The following PMFBP1 variants were observed in gnomAD, a reference collection of about 807,000 sequenced individuals.
PMFBP1 encodes polyamine-modulated factor 1-binding protein 1.
In PMFBP1, 131 loss-of-function variants were observed where a neutral mutation model predicts 137.8. The observed-to-expected ratio is 0.95, with a 90% CI of 0.82 to 1.10. The LOEUF (loss-of-function observed/expected upper bound fraction) is 1.10. Ranked by LOEUF, PMFBP1 falls within the 50% of genes least tolerant of loss-of-function variation. The pLI is 0.00. For missense variants in PMFBP1, 1,199 were observed against 1,175.4 expected, an observed-to-expected ratio of 1.02 and a Z score of -0.29; for synonymous variants, 490 against 450.4, an observed-to-expected ratio of 1.09 and a Z score of -1.11.
At chr16:72,231,492 G>C in the PMFBP1 span, among the ~76,000 whole-genome samples, 1 of 152,112 alleles carries the variant, frequency 6.6e-6, no homozygotes. Flanking sequence ...TATAAAATGG[G>C]ATGAAGCCTG....
chr16:72,235,786 A>G, the PMFBP1 span, among the ~76,000 whole-genome samples: 3 of 151,974 alleles, frequency 2.0e-5, no homozygotes, highest in Non-Finnish European at 4.4e-5. Flanking sequence ...TCATTTTTGG[A>G]TTGTTTATTG....
intron 7 of PMFBP1, among the ~76,000 whole-genome samples, chr16:72,137,222 A>T (rs1295249407): frequency 6.6e-6 from 1 of 152,190 alleles, no homozygotes; most frequent in Non-Finnish European, 1.5e-5. Flanking sequence ...ACAGTTGTTT[A>T]TGGAGAATCT....
At chr16:72,189,105 G>C in the PMFBP1 span, among the ~76,000 whole-genome samples, 1 of 151,998 alleles carries the variant, frequency 6.6e-6, no homozygotes, top group African/African-American at 2.4e-5. Context: ...GGATGTGCCA[G>C]GCACCGTGCT....
the PMFBP1 span, among the ~76,000 whole-genome samples, chr16:72,190,573 G>C: frequency 6.6e-6 from 1 of 152,160 alleles, no homozygotes; most frequent in African/African-American, 2.4e-5. Flanking sequence ...AAAAGAAAGG[G>C]AAAGGGAGAG....
the PMFBP1 span, among the ~76,000 whole-genome samples, chr16:72,193,410 A>G: frequency 1.1e-4 from 17 of 152,082 alleles, no homozygotes; most frequent in Admixed American, 9.8e-4. Flanking sequence ...TAAATAAATA[A>G]ATTTATATGT....
the PMFBP1 span, among the ~76,000 whole-genome samples, chr16:72,229,084 T>C: frequency 2.0e-5 from 3 of 152,154 alleles, no homozygotes; most frequent in South Asian, 6.2e-4. Flanking sequence ...AGCTCTCACT[T>C]ATAAGTGAGA....
At chr16:72,144,038 T>A (rs955669255) in intron 5 of PMFBP1, among the ~76,000 whole-genome samples, 1 of 150,754 alleles carries the variant, frequency 6.6e-6, no homozygotes, top group African/African-American at 2.4e-5. Context: ...CGAAACTCCA[T>A]CTCAAAAAAA....
intron 5 of PMFBP1, 46 bp downstream of exon 5, chr16:72,150,562 G>A: frequency 4.4e-6 from 7 of 1,580,928 alleles, no homozygotes; most frequent in Non-Finnish European, 5.2e-6. Context: ...GACCACCTGG[G>A]AGCACATCCA....
Position 72,126,139 on chromosome 16 carries a change from G to A in PMFBP1, c.2089-7C>T. On this transcript the variant is annotated splice_region_variant and splice_polypyrimidine_tract_variant and intron_variant, in intron 14 of 20. Coordinates refer to ENST00000237353, the MANE Select transcript of PMFBP1 (RefSeq NM_031293.3). ...ACTCCTTCTGAAGGGCTATCTTTAAGGAGGGAGAGCAGAACTGTCAGGGTG... is the reference window on the plus strand; with the variant it reads ...ACTCCTTCTGAAGGGCTATCTTTAAAGAGGGAGAGCAGAACTGTCAGGGTG... The A allele has an allele frequency of 6.2e-7, 1 of 1,613,730 alleles. No homozygotes were observed. Among genetic ancestry groups the A allele is most frequent in the Non-Finnish European group, 8.5e-7 (1 of 1,179,828 alleles).
the PMFBP1 span, among the ~76,000 whole-genome samples, chr16:72,232,216 T>C: frequency 1.3e-5 from 2 of 152,324 alleles, no homozygotes; most frequent in African/African-American, 2.4e-5. Context: ...TCAATTATCA[T>C]GATGTCTGAT....
chr16:72,230,607 A>G, the PMFBP1 span, among the ~76,000 whole-genome samples: 225 of 152,220 alleles, frequency 1.5e-3, no homozygotes, highest in African/African-American at 4.8e-3. Context: ...GTAACTTCCC[A>G]TATCATCATC....
Position 72,120,071 on chromosome 16 carries a change from C to T in PMFBP1, c.2787G>A (p.Met929Ile). The T allele has an allele frequency of 6.2e-7, 1 of 1,614,140 alleles. No homozygotes were observed. The highest frequency in any genetic ancestry group is 8.5e-7 in the Non-Finnish European group (1 of 1,180,032). The part of the protein sequence containing the change: ...SGEKDHLHSV[M>I]VHLQQENKKL... ...TCTTGTTTTCCTGCTGCAAGTGGAC[C>T]ATTACACTGTGGAGGTGGCTGTGGG... Residue 929 changes from methionine to isoleucine, a missense_variant, in exon 20 of 21, where the codon ATG (methionine) becomes ATA (isoleucine). Physicochemically the swap from Met to Ile is conservative, Grantham distance 10. Transcript: ENST00000237353.
chr16:72,128,572 G>C, intron 14 of PMFBP1, 85 bp downstream of exon 14: 1 of 1,610,858 alleles, frequency 6.2e-7, no homozygotes, highest in Non-Finnish European at 8.5e-7. Context: ...CTGCATTTCT[G>C]TGTGGAGGAG....
intron 4 of PMFBP1, among the ~76,000 whole-genome samples, chr16:72,153,120 TTTTG>T (rs2042927810): frequency 6.6e-6 from 1 of 152,232 alleles, no homozygotes; most frequent in African/African-American, 2.4e-5. Flanking sequence ...GGCTGGACCC[TTTTG>T]TTTAAGTTGT....
At chr16:72,149,256 C>T (rs1269227010) in intron 5 of PMFBP1, among the ~76,000 whole-genome samples, 2 of 152,134 alleles carry the variant, frequency 1.3e-5, no homozygotes, top group Non-Finnish European at 2.9e-5. Flanking sequence ...AGAATGAAAA[C>T]GTACAGTGTG....
chr16:72,187,452 G>A, the PMFBP1 span, among the ~76,000 whole-genome samples: 1 of 152,222 alleles, frequency 6.6e-6, no homozygotes, highest in Non-Finnish European at 1.5e-5. Context: ...CCTGTACCCT[G>A]TAGGGTGATT....
chr16:72,145,757 T>C (rs1597476119), intron 5 of PMFBP1, among the ~76,000 whole-genome samples: 1 of 152,284 alleles, frequency 6.6e-6, no homozygotes, highest in Non-Finnish European at 1.5e-5. Flanking sequence ...AACATCTCTA[T>C]GCAAATAAAC....
At chr16:72,235,535 G>A in the PMFBP1 span, among the ~76,000 whole-genome samples, 33 of 148,682 alleles carry the variant, frequency 2.2e-4, no homozygotes, top group Non-Finnish European at 4.3e-4. Context: ...ATTAGTATCA[G>A]CATATCAATT....
At chr16:72,237,205 A>T in the PMFBP1 span, among the ~76,000 whole-genome samples, 1 of 152,196 alleles carries the variant, frequency 6.6e-6, no homozygotes, top group Admixed American at 6.5e-5. Context: ...GTGGGATGAC[A>T]TGGGAAGAGA....
Sources: gnomAD v4.1 joint callset for allele counts (sites outside exome capture counted in the v4.1 genomes callset) on GRCh38, gnomAD v4.1.1 for gene constraint, MANE v1.5 for transcripts, NCBI Gene and HGNC (gene_info 2026-07-23, HGNC 2026-07-21) for gene names.